Variants in GNAZ observed in about 807,000 individuals in gnomAD.
The protein encoded by GNAZ is G protein subunit alpha z.
Under a neutral mutation model 25.4 loss-of-function variants are expected in GNAZ, and 3 were observed. That is an observed-to-expected ratio of 0.12 (90% CI 0.05 to 0.30). The LOEUF is 0.30. Among genes scored for constraint, GNAZ ranks in the 10% least tolerant of loss-of-function variants. The pLI, the probability that GNAZ is intolerant of heterozygous loss-of-function variation, is 1.00. For missense variants in GNAZ, 241 were observed against 501.8 expected (o/e 0.48, Z 4.97); for synonymous variants, 211 against 205.7 (o/e 1.03, Z -0.22).
chr22:23,078,519 C>T (rs772613080), intron 1 of GNAZ, among the ~76,000 whole-genome samples: 1 of 152,262 alleles, frequency 6.6e-6, no homozygotes, highest in Non-Finnish European at 1.5e-5. Context: ...AGTGCTTGGC[C>T]TCAGTCTCCA....
At position 23,110,881 on chromosome 22, in the gene GNAZ, CA is replaced by C. The variant is rs148130994; in HGVS notation, c.724-12204del. The stretch of plus-strand genomic sequence containing the variant: ...CTCTGAGGCTGGCGAGCACACGGGG[CA>C]ACTCAGGCCTCCCTGCCCACCATCT... On this transcript the variant is annotated intron_variant, in intron 2 of 2. Coordinates refer to ENST00000615612, the MANE Select transcript of GNAZ (RefSeq NM_002073.4). 6.6e-5 allele frequency among the ~76,000 whole-genome samples: 10 copies of C among 152,306 alleles called. No homozygotes were observed. The East Asian group carries it at 1.9e-3, about 29-fold the overall frequency.
intron 1 of GNAZ, among the ~76,000 whole-genome samples, chr22:23,081,304 G>A (rs376007582): frequency 5.3e-5 from 8 of 152,164 alleles, no homozygotes; most frequent in African/African-American, 1.7e-4. Context: ...CCCCAGAACC[G>A]GAAACTCTGA....
At position 23,071,747 on chromosome 22, in the gene GNAZ, G is replaced by C. The variant is rs548778418; in HGVS notation, c.-450+1177G>C. ...GGACCTCAGAGTGGTGTCCTGGGCT[G>C]GGGGGTCAGGTGAGCTCGTGGGCAA... is the stretch of plus-strand genomic sequence containing the variant. On this transcript the variant is annotated intron_variant, in intron 1 of 2. Transcript: ENST00000615612. The surrounding 1 kb of genome is among the most constrained non-coding windows in gnomAD (Gnocchi z 4.1). Among the ~76,000 whole-genome samples the C allele has an allele frequency of 3.9e-4, 60 of 152,306 alleles. No homozygotes were observed. The highest frequency in any genetic ancestry group is 1.4e-3 in the African/African-American group (57 of 41,550).
chr22:23,099,326 T>C (rs1384545405), intron 2 of GNAZ, among the ~76,000 whole-genome samples: 2 of 152,224 alleles, frequency 1.3e-5, no homozygotes, highest in East Asian at 1.9e-4. Context: ...CGCCCCTCCA[T>C]GGCCACGGTT....
At position 23,083,802 on chromosome 22, in the gene GNAZ, A is replaced by G. The variant is rs145843368; in HGVS notation, c.-449-11445A>G. On this transcript the variant is annotated intron_variant, in intron 1 of 2. Coordinates refer to ENST00000615612, the MANE Select transcript of GNAZ (RefSeq NM_002073.4). ...CCAGTCCCACTGCCGAACCAGCGGC[A>G]CACCACACCTGTTCAAGGTCGCGCG... 3.2e-3 allele frequency among the ~76,000 whole-genome samples: 484 copies of G among 152,318 alleles called. 3 individuals carry two copies. The highest frequency in any genetic ancestry group is 0.011 in the African/African-American group (458 of 41,564).
intron 1 of GNAZ, among the ~76,000 whole-genome samples, chr22:23,084,885 G>A (rs938293844): frequency 1.3e-5 from 2 of 152,162 alleles, no homozygotes; most frequent in African/African-American, 4.8e-5. Context: ...GCGGTTTTGT[G>A]GTCACCCTAC....
At chr22:23,078,188 G>A (rs1031545815) in intron 1 of GNAZ, among the ~76,000 whole-genome samples, 8 of 152,254 alleles carry the variant, frequency 5.3e-5, no homozygotes, top group Admixed American at 5.2e-4. Flanking sequence ...CTGATATGCT[G>A]TGCAAACATA....
intron 2 of GNAZ, among the ~76,000 whole-genome samples, chr22:23,112,896 G>A (rs1706194978): frequency 6.6e-6 from 1 of 152,176 alleles, no homozygotes; most frequent in African/African-American, 2.4e-5. Flanking sequence ...CTCCAGCTGG[G>A]CAGAGCTACC....
At chr22:23,104,815 CCCT>C (rs962917576) in intron 2 of GNAZ, among the ~76,000 whole-genome samples, 7 of 152,198 alleles carry the variant, frequency 4.6e-5, no homozygotes, top group African/African-American at 1.4e-4. Context: ...GGATGCATAG[CCCT>C]CTTCACCTGA....
chr22:23,113,836 G>C (rs967077269), intron 2 of GNAZ, among the ~76,000 whole-genome samples: 1 of 152,272 alleles, frequency 6.6e-6, no homozygotes, highest in African/African-American at 2.4e-5. Context: ...CTGTCACACA[G>C]AGCTCTGGGA....
At chr22:23,105,434 C>G (rs1270978168) in intron 2 of GNAZ, among the ~76,000 whole-genome samples, 2 of 152,382 alleles carry the variant, frequency 1.3e-5, no homozygotes, top group African/African-American at 4.8e-5. Context: ...TTTCTCATGT[C>G]CCTCCCAGGA....
chr22:23,103,358 G>A (rs368132048), intron 2 of GNAZ, among the ~76,000 whole-genome samples: 73 of 152,282 alleles, frequency 4.8e-4, no homozygotes, highest in African/African-American at 1.6e-3. Flanking sequence ...CAAGCATGGC[G>A]GGGAGAGTCT....
At chr22:23,072,093 G>A (rs2068395068) in intron 1 of GNAZ, among the ~76,000 whole-genome samples, 1 of 152,068 alleles carries the variant, frequency 6.6e-6, no homozygotes, top group Non-Finnish European at 1.5e-5. Flanking sequence ...TAAAGACTGG[G>A]GAAGGCTCCT....
chr22:23,091,537 C>T (rs1280045517), intron 1 of GNAZ, among the ~76,000 whole-genome samples: 4 of 151,332 alleles, frequency 2.6e-5, no homozygotes, highest in African/African-American at 4.9e-5. Flanking sequence ...TAGACCTACA[C>T]ACACACAGGG....
intron 1 of GNAZ, among the ~76,000 whole-genome samples, chr22:23,079,126 G>A (rs1718818336): frequency 6.6e-6 from 1 of 152,246 alleles, no homozygotes; most frequent in South Asian, 2.1e-4. Context: ...AACAGTCCCT[G>A]CCCTATGGCA....
At chr22:23,080,608 G>T (rs1462731374) in intron 1 of GNAZ, among the ~76,000 whole-genome samples, 1 of 152,256 alleles carries the variant, frequency 6.6e-6, no homozygotes, top group Admixed American at 6.5e-5. Flanking sequence ...CATCAGGCAG[G>T]TTGTGGGGAG....
intron 2 of GNAZ, among the ~76,000 whole-genome samples, chr22:23,114,580 T>A (rs2069765499): frequency 6.6e-6 from 1 of 152,258 alleles, no homozygotes; most frequent in African/African-American, 2.4e-5. Flanking sequence ...CAGCACTATC[T>A]GCAGCAGTGC....
At chr22:23,083,157 C>A (rs1473933465) in intron 1 of GNAZ, among the ~76,000 whole-genome samples, 1 of 152,024 alleles carries the variant, frequency 6.6e-6, no homozygotes, top group East Asian at 1.9e-4. Flanking sequence ...GGCTAGCCTG[C>A]AGCTCGGAGA....
chr22:23,100,383 G>A (rs2069262714), intron 2 of GNAZ, among the ~76,000 whole-genome samples: 3 of 152,246 alleles, frequency 2.0e-5, no homozygotes, highest in Admixed American at 6.5e-5. Context: ...AGGGTTCACC[G>A]TGGGAGGCCT....
Sources: gnomAD v4.1 joint callset for allele counts (sites outside exome capture counted in the v4.1 genomes callset) on GRCh38, gnomAD v4.1.1 for gene constraint, Gnocchi (gnomAD v3.1) non-coding constraint, MANE v1.5 for transcripts, NCBI Gene and HGNC (gene_info 2026-07-23, HGNC 2026-07-21) for gene names.